The following PDZRN3 variants were observed in gnomAD, a reference collection of about 807,000 sequenced individuals.
PDZRN3 encodes the protein E3 ubiquitin-protein ligase PDZRN3.
Under a neutral mutation model 85.7 loss-of-function variants are expected in PDZRN3, and 38 were observed. The ratio of observed to expected loss-of-function variants is 0.44; its 90% CI spans 0.34 to 0.58. PDZRN3 has a LOEUF of 0.58. Among genes scored for constraint, PDZRN3 ranks in the 20% least tolerant of loss-of-function variants. The pLI is 0.01. For synonymous variants in PDZRN3, 759 were observed against 638.0 expected (o/e 1.19, Z -2.86); for missense variants, 1,629 against 1,506.4 (o/e 1.08, Z -1.35).
intron 3 of PDZRN3, among the ~76,000 whole-genome samples, chr3:73,578,596 T>G (rs549632529): frequency 2.5e-4 from 38 of 152,268 alleles, no homozygotes; most frequent in African/African-American, 8.9e-4. Flanking sequence ...TGACAAAAAG[T>G]AAAAGCCTGG....
At chr3:73,414,054 C>T (rs570671317) in intron 3 of PDZRN3, among the ~76,000 whole-genome samples, 11 of 152,060 alleles carry the variant, frequency 7.2e-5, no homozygotes, top group Middle Eastern at 3.4e-3. Context: ...CTATAGGCAA[C>T]GTCTAAGGCC....
chr3:73,589,981 C>A (rs1199644268), intron 3 of PDZRN3, among the ~76,000 whole-genome samples: 1 of 152,010 alleles, frequency 6.6e-6, no homozygotes, highest in Non-Finnish European at 1.5e-5. Context: ...TGTCAAAACG[C>A]AGATTAGCTG....
In PDZRN3 at chr3:73,545,440, T is replaced by C. The variant is rs1701401415; in HGVS notation, c.918+56914A>G. ...AATATGTTCTACAACTTTAGCTACG[T>C]AAGAAAAAAAATGCAACTGGACAAC... On this transcript the variant is annotated intron_variant, in intron 3 of 9. Coordinates refer to ENST00000263666, the MANE Select transcript of PDZRN3 (RefSeq NM_015009.3). 2.0e-5 allele frequency among the ~76,000 whole-genome samples: 3 copies of C among 152,182 alleles called. No individual in the cohort carries two copies. The South Asian group carries it at 6.2e-4, about 32-fold the overall frequency.
chr3:73,413,471 C>T (rs140920854), intron 3 of PDZRN3, among the ~76,000 whole-genome samples: 4 of 152,172 alleles, frequency 2.6e-5, no homozygotes, highest in African/African-American at 2.4e-5. Flanking sequence ...GATTTCATCC[C>T]GTCTTCAGAA....
intron 8 of PDZRN3, 58 bp downstream of exon 8, chr3:73,387,909 TG>T: frequency 1.3e-6 from 1 of 799,690 alleles, no homozygotes; most frequent in Non-Finnish European, 2.1e-6. Flanking sequence ...TTTGCAGGCC[TG>T]GGGATCTTTT....
At chr3:73,569,270 C>T (rs1320915290) in intron 3 of PDZRN3, 1 of 1,270,868 alleles carries the variant, frequency 7.9e-7, no homozygotes, top group Admixed American at 2.5e-5. Flanking sequence ...CGAAGAATGT[C>T]GTATGAAATG....
chr3:73,484,533 G>C (rs530408435), intron 3 of PDZRN3, among the ~76,000 whole-genome samples: 1 of 152,328 alleles, frequency 6.6e-6, no homozygotes, highest in Non-Finnish European at 1.5e-5. Context: ...GCTTCATGGA[G>C]AGCTGGGGGA....
chr3:73,450,025 A>G (rs1702827440), intron 3 of PDZRN3, among the ~76,000 whole-genome samples: 1 of 152,230 alleles, frequency 6.6e-6, no homozygotes, highest in African/African-American at 2.4e-5. Context: ...CTTAGGAGGC[A>G]CTGGATGGAC....
At chr3:73,531,628 T>C (rs1704657421) in intron 3 of PDZRN3, among the ~76,000 whole-genome samples, 1 of 152,166 alleles carries the variant, frequency 6.6e-6, no homozygotes, top group Admixed American at 6.5e-5. Context: ...AGGAGGCATC[T>C]CTCCTTCAGT....
At chr3:73,399,409 C>T (rs1701705203) in intron 5 of PDZRN3, among the ~76,000 whole-genome samples, 1 of 152,104 alleles carries the variant, frequency 6.6e-6, no homozygotes, top group Non-Finnish European at 1.5e-5. Context: ...GAAATTCTGC[C>T]CACTCCCCCA....
intron 3 of PDZRN3, among the ~76,000 whole-genome samples, chr3:73,584,734 T>C (rs1292102556): frequency 6.6e-6 from 1 of 152,182 alleles, no homozygotes; most frequent in Non-Finnish European, 1.5e-5. Flanking sequence ...ATAGTTAATA[T>C]GTTCATTCTT....
chr3:73,477,663 T>C (rs1049890476), intron 3 of PDZRN3, among the ~76,000 whole-genome samples: 3 of 152,216 alleles, frequency 2.0e-5, no homozygotes, highest in Admixed American at 6.5e-5. Context: ...CAATGACATT[T>C]AGGGTATGGA....
intron 5 of PDZRN3, among the ~76,000 whole-genome samples, chr3:73,392,696 T>G (rs72890636): frequency 0.031 from 4,793 of 152,274 alleles, 268 homozygotes; most frequent in African/African-American, 0.11. Context: ...TATATTTCAG[T>G]GCCCCTCTTA....
At position 73,383,597 on chromosome 3, in the gene PDZRN3, C is replaced by T. The variant is rs1235466420; in HGVS notation, c.2969G>A (p.Arg990Gln). 2.5e-6 allele frequency: 4 copies of T among 1,614,082 alleles called. No individual in the cohort carries two copies. The highest frequency in any genetic ancestry group is 1.3e-5 in the African/African-American group (1 of 75,048). ...QHLVKAKEQR[R>Q]RREFMMQSRL... ...GCTCTGCATCATGAACTCGCGCCGC[C>T]GCCGCTGCTCCTTGGCCTTCACCAG... is the stretch of plus-strand genomic sequence containing the variant. Residue 990 changes from arginine to glutamine, a missense_variant, in exon 10 of 10, where the codon CGG becomes CAG. By Grantham distance (43) the Arg-to-Gln change is conservative. Transcript: ENST00000263666.
Position 73,462,262 on chromosome 3 carries a change from T to C in PDZRN3, c.919-57867A>G, listed in dbSNP as rs1256189479. On this transcript the variant is annotated intron_variant, in intron 3 of 9. Transcript: ENST00000263666. ...GAGGTATAAAGTCATACTTTTGTCATTAAAAGGTCACATAGTTTGTGAACC... is the reference window on the plus strand; with the variant it reads ...GAGGTATAAAGTCATACTTTTGTCACTAAAAGGTCACATAGTTTGTGAACC... Among the ~76,000 whole-genome samples, 3 of 152,104 alleles carry C rather than the reference T, an allele frequency of 2.0e-5. No individual in the cohort carries two copies. In the East Asian group the frequency reaches 5.8e-4, roughly 29 times the overall value.
At chr3:73,438,994 G>C (rs6549538) in intron 3 of PDZRN3, among the ~76,000 whole-genome samples, 19,760 of 152,018 alleles carry the variant, frequency 0.13, 4,019 homozygotes, top group African/African-American at 0.44. Context: ...ATCTCCTTCA[G>C]GGTGCCCCTT....
chr3:73,413,014 T>C (rs1349073506), intron 3 of PDZRN3, among the ~76,000 whole-genome samples: 2 of 152,156 alleles, frequency 1.3e-5, no homozygotes, highest in African/African-American at 2.4e-5. Context: ...GTGCCCTCGA[T>C]AGAATATGAG....
chr3:73,478,557 GTAATAA>G (rs751778279), intron 3 of PDZRN3, among the ~76,000 whole-genome samples: 1 of 150,694 alleles, frequency 6.6e-6, no homozygotes, highest in Non-Finnish European at 1.5e-5. Context: ...TAATAATAAT[GTAATAA>G]TAATAATAAT....
At chr3:73,527,864 A>G (rs1274248222) in intron 3 of PDZRN3, among the ~76,000 whole-genome samples, 1 of 152,174 alleles carries the variant, frequency 6.6e-6, no homozygotes, top group Non-Finnish European at 1.5e-5. Context: ...CCTAAAAACC[A>G]AAGGATGGAA....
Sources: gnomAD v4.1 joint callset for allele counts (sites outside exome capture counted in the v4.1 genomes callset) on GRCh38, gnomAD v4.1.1 for gene constraint, MANE v1.5 for transcripts, NCBI Gene and HGNC (gene_info 2026-07-23, HGNC 2026-07-21) for gene names.